The following KNOP1 variants were observed in gnomAD, a reference collection of about 807,000 sequenced individuals.
KNOP1 encodes the protein lysine-rich nucleolar protein 1.
A neutral mutation model predicts 30.6 loss-of-function variants in KNOP1; 20 were observed. That is an observed-to-expected ratio of 0.65 (90% CI 0.46 to 0.95). KNOP1 has a LOEUF of 0.95. Ranked by LOEUF, KNOP1 falls within the 40% of genes least tolerant of loss-of-function variation. The pLI is 0.00. For synonymous variants in KNOP1, 204 were observed against 210.0 expected (o/e 0.97, Z 0.25); for missense variants, 540 against 562.0 (o/e 0.96, Z 0.40).
Position 19,705,273 on chromosome 16 carries a change from G to A in KNOP1, c.*1637C>T, listed in dbSNP as rs898196465. ...CGTGAGACTGAACTTTCTGGCCATC[G>A]AGGCCTGCCTGGGCTGGGATGTCTG... On this transcript the variant is annotated 3_prime_UTR_variant, in exon 5 of 5. Transcript: ENST00000219837. 8 of 455,884 alleles carry A rather than the reference G, an allele frequency of 1.8e-5. No individual in the cohort carries two copies. Among genetic ancestry groups the A allele is most frequent in the African/African-American group, 1.0e-4 (5 of 50,052 alleles). The allele number at this position is 455,884 out of a possible 1,614,324, so 28.2% of individuals were successfully genotyped here.
At chr16:19,711,971 A>C (rs1428308557) in intron 2 of KNOP1, 2 of 165,096 alleles carry the variant, frequency 1.2e-5, no homozygotes, top group Non-Finnish European at 2.6e-5. Context: ...CTCACTTGAG[A>C]AGTGTGCTGT....
At chr16:19,715,238 A>C (rs1976968517) in intron 1 of KNOP1, 1 of 445,138 alleles carries the variant, frequency 2.2e-6, no homozygotes, top group South Asian at 5.4e-5. Flanking sequence ...CCTAGGTTCA[A>C]ACCTAAATGC....
Position 19,718,184 on chromosome 16 carries a change from C to A in KNOP1, c.-29G>T. ...GGTGGGCGAAATTTCCCCGCCTCCA[C>A]GTGAGAGCCAGCTCCGCCGTGACCC... On this transcript the variant is annotated 5_prime_UTR_variant, in exon 1 of 5. Coordinates refer to ENST00000219837, the MANE Select transcript of KNOP1 (RefSeq NM_001012991.3). 6.7e-7 allele frequency: 1 copy of A among 1,493,824 alleles called. No homozygotes were observed. Among genetic ancestry groups the A allele is most frequent in the South Asian group, 1.3e-5 (1 of 75,738 alleles). The allele number at this position is 1,493,824 out of a possible 1,614,324, so 92.5% of individuals were successfully genotyped here.
chr16:19,707,551 CTCCTT>C (rs773353040), intron 4 of KNOP1, among the ~76,000 whole-genome samples: 3 of 151,940 alleles, frequency 2.0e-5, no homozygotes, highest in Non-Finnish European at 2.9e-5. Flanking sequence ...TGCCTTCCTC[CTCCTT>C]TCCTAACTCA....
intron 2 of KNOP1, 94 bp downstream of exon 2, chr16:19,714,024 T>C: frequency 9.2e-7 from 1 of 1,083,910 alleles, no homozygotes; most frequent in South Asian, 1.5e-5. Flanking sequence ...TGAGTACTCG[T>C]GCATGTACAA....
At chr16:19,717,068 A>T (rs1378888023) in intron 1 of KNOP1, among the ~76,000 whole-genome samples, 1 of 151,560 alleles carries the variant, frequency 6.6e-6, no homozygotes, top group Non-Finnish European at 1.5e-5. Context: ...GTCTCCAACT[A>T]CTGGCCTCAG....
intron 1 of KNOP1, among the ~76,000 whole-genome samples, chr16:19,717,188 G>GA (rs1211953396): frequency 1.3e-5 from 2 of 152,166 alleles, no homozygotes; most frequent in Non-Finnish European, 2.9e-5. Context: ...GTATACACAA[G>GA]AAAAAACAGT....
Position 19,714,794 on chromosome 16 carries a change from T to A in KNOP1, c.242A>T (p.His81Leu). Reference protein sequence around the residue: ...KKGVSTLCEEHVEPETTLPAR... With the variant: ...KKGVSTLCEELVEPETTLPAR... Reference sequence around the variant, plus strand: ...AGGCAGCGTGGTCTCAGGTTCTACATGCTCCTCGCAAAGGGTGCTGACACC... The same window carrying A: ...AGGCAGCGTGGTCTCAGGTTCTACAAGCTCCTCGCAAAGGGTGCTGACACC... The change falls in exon 2 of 5, where the codon CAT becomes CTT. Residue 81 changes from histidine to leucine, a missense_variant. Transcript: ENST00000219837. 1 of 1,614,230 alleles carries A rather than the reference T, an allele frequency of 6.2e-7. No homozygotes were observed. Among genetic ancestry groups the A allele is most frequent in the Non-Finnish European group, 8.5e-7 (1 of 1,180,046 alleles).
At chr16:19,714,043 A>C in intron 2 of KNOP1, 75 bp downstream of exon 2, 1 of 1,284,844 alleles carries the variant, frequency 7.8e-7, no homozygotes, top group Non-Finnish European at 1.1e-6. Context: ...AAACATGCAC[A>C]CACGCCTACA....
intron 2 of KNOP1, chr16:19,711,768 C>A: frequency 2.7e-6 from 1 of 368,736 alleles, no homozygotes; most frequent in Non-Finnish European, 5.1e-6. Flanking sequence ...TGGTGTCCGA[C>A]CTTTCCCACT....
rs148943305 is a variant in KNOP1 at position 19,716,153 on chromosome 16, T to C, written c.-2-1116A>G. Among the ~76,000 whole-genome samples the C allele has an allele frequency of 6.4e-4, 97 of 152,302 alleles. No individual in the cohort carries two copies. In the East Asian group the frequency reaches 0.015, roughly 24 times the overall value. ...ACCTGGAGAGTCAAGGGAATAACTA[T>C]ACTCATTCATTGCTGTCTGCCCTGT... On this transcript the variant is annotated intron_variant, in intron 1 of 4. Transcript: ENST00000219837.
rs538351576 is a variant in KNOP1 at position 19,717,803 on chromosome 16, G to A, written c.-3+355C>T. 1.6e-3 allele frequency: 1,638 copies of A among 997,664 alleles called. 1 individual carries two copies. Among genetic ancestry groups the A allele is most frequent in the Non-Finnish European group, 1.9e-3 (1,584 of 837,060 alleles). 61.8% of individuals were successfully genotyped at this position (997,664 alleles called of 1,614,324 possible). A position where few individuals can be genotyped will look rare whatever the true frequency, so the allele number is the denominator to read the frequency against. On this transcript the variant is annotated intron_variant, in intron 1 of 4. Coordinates refer to ENST00000219837, the MANE Select transcript of KNOP1 (RefSeq NM_001012991.3). Reference sequence around the variant, plus strand: ...GCCAGCAAGTGGAAAACGGAGACTGGAATTCCGCCCACAGGACTCCAAAGC... The same window carrying A: ...GCCAGCAAGTGGAAAACGGAGACTGAAATTCCGCCCACAGGACTCCAAAGC...
Position 19,707,039 on chromosome 16 carries a change from C to A in KNOP1, c.1248G>T (p.Leu416=). ...KKAADSLQQN[L]QRDYDRAMSW... is the part of the protein sequence containing the mutation. ...TCATGGCCCGGTCGTAGTCCCGCTGCAGATTCTGCTGCAGGCTGTCAGCCG... is the reference window on the plus strand; with the variant it reads ...TCATGGCCCGGTCGTAGTCCCGCTGAAGATTCTGCTGCAGGCTGTCAGCCG... Residue 416 remains leucine (L), a synonymous_variant, in exon 5 of 5, where the codon CTG becomes CTT. Transcript: ENST00000219837. 1 of 1,614,194 alleles carries A rather than the reference C, an allele frequency of 6.2e-7. No individual in the cohort carries two copies. Among genetic ancestry groups the A allele is most frequent in the Non-Finnish European group, 8.5e-7 (1 of 1,180,044 alleles).
chr16:19,713,061 T>C (rs1976801155), intron 2 of KNOP1, among the ~76,000 whole-genome samples: 1 of 152,052 alleles, frequency 6.6e-6, no homozygotes, highest in Non-Finnish European at 1.5e-5. Flanking sequence ...TCAGACGGTG[T>C]GGTTTAGTTA....
chr16:19,704,610 T>G lies in KNOP1; in HGVS notation c.*2300A>C, dbSNP rs1163838647. The G allele has an allele frequency of 6.6e-6, 1 of 152,166 alleles. No individual in the cohort carries two copies. Among genetic ancestry groups the G allele is most frequent in the African/African-American group, 2.4e-5 (1 of 41,390 alleles). 9.4% of individuals were successfully genotyped at this position (152,166 alleles called of 1,614,324 possible). A position where few individuals can be genotyped will look rare whatever the true frequency, so the allele number is the denominator to read the frequency against. ...TCTCAAAAAAAAAGAAACGAACGGC[T>G]GGTTCCTGTTTACACCAGGCACATT... On this transcript the variant is annotated 3_prime_UTR_variant, in exon 5 of 5. Transcript: ENST00000219837.
intron 3 of KNOP1, among the ~76,000 whole-genome samples, chr16:19,711,087 G>A: frequency 6.6e-6 from 1 of 152,240 alleles, no homozygotes; most frequent in Non-Finnish European, 1.5e-5. Flanking sequence ...CTGCCCAGCT[G>A]CAGGGTCTTA....
At chr16:19,712,615 C>G (rs117278592) in intron 2 of KNOP1, among the ~76,000 whole-genome samples, 2,410 of 152,334 alleles carry the variant, frequency 0.016, 29 homozygotes, top group South Asian at 0.038. Flanking sequence ...GTTTCCTGAT[C>G]TGTCAAATGG....
chr16:19,718,227 C>A lies in KNOP1; in HGVS notation c.-72G>T. ...CGTGACCCGGAAGTCCACTTCGAGTCGCCGGCCCACCCTCTCGGGTTCCGG... is the reference window on the plus strand; with the variant it reads ...CGTGACCCGGAAGTCCACTTCGAGTAGCCGGCCCACCCTCTCGGGTTCCGG... On this transcript the variant is annotated 5_prime_UTR_variant, in exon 1 of 5. Transcript: ENST00000219837. The A allele has an allele frequency of 1.3e-6, 2 of 1,537,588 alleles. No homozygotes were observed. Among genetic ancestry groups the A allele is most frequent in the South Asian group, 2.4e-5 (2 of 83,156 alleles).
intron 1 of KNOP1, among the ~76,000 whole-genome samples, chr16:19,715,806 T>C (rs963588858): frequency 6.6e-6 from 1 of 152,100 alleles, no homozygotes; most frequent in African/African-American, 2.4e-5. Flanking sequence ...ACCCAGCTTG[T>C]CTTGGACAGA....
Sources: allele counts gnomAD v4.1 joint callset (sites outside exome capture counted in the v4.1 genomes callset), GRCh38; gene constraint gnomAD v4.1.1; transcripts MANE v1.5; gene names NCBI Gene and HGNC (gene_info 2026-07-23, HGNC 2026-07-21).